The following RHBDD1 variants were observed in gnomAD, a reference collection of about 807,000 sequenced individuals.
The protein encoded by RHBDD1 is rhomboid-related protein 4.
Under a neutral mutation model 36.3 loss-of-function variants are expected in RHBDD1, and 38 were observed. That is an observed-to-expected ratio of 1.05 (90% CI 0.81 to 1.37). The LOEUF is 1.37. RHBDD1 is among the 40% of genes most tolerant of loss of function. The pLI is 0.00. For synonymous variants in RHBDD1, 151 were observed against 136.5 expected (o/e 1.11, Z -0.74); for missense variants, 393 against 377.6 (o/e 1.04, Z -0.34).
At chr2:226,870,869 G>T (rs183692149) in intron 5 of RHBDD1, among the ~76,000 whole-genome samples, 47 of 152,292 alleles carry the variant, frequency 3.1e-4, no homozygotes, top group Non-Finnish European at 5.1e-4. Context: ...ACATTGAGGA[G>T]GAGGAGGAGG....
At chr2:226,894,819 G>A (rs1363528524) in intron 5 of RHBDD1, among the ~76,000 whole-genome samples, 1 of 152,206 alleles carries the variant, frequency 6.6e-6, no homozygotes, top group Non-Finnish European at 1.5e-5. Context: ...AATGGACAGG[G>A]AAACTTTAGC....
the RHBDD1 span, among the ~76,000 whole-genome samples, chr2:226,821,120 T>C: frequency 6.6e-6 from 1 of 152,174 alleles, no homozygotes; most frequent in African/African-American, 2.4e-5. Context: ...TTGAGCCCCC[T>C]ACTATGTTCC....
At chr2:226,964,556 A>G (rs1488149604) in intron 8 of RHBDD1, among the ~76,000 whole-genome samples, 1 of 152,108 alleles carries the variant, frequency 6.6e-6, no homozygotes, top group Non-Finnish European at 1.5e-5. Flanking sequence ...GTTGCTATTT[A>G]TATGCTGGCA....
intron 8 of RHBDD1, among the ~76,000 whole-genome samples, chr2:226,984,273 T>G (rs1380655785): frequency 5.9e-5 from 9 of 152,224 alleles, no homozygotes; most frequent in Non-Finnish European, 1.0e-4. Context: ...CCCGGTGGCT[T>G]AAACAACAGA....
At chr2:226,826,590 G>A in the RHBDD1 span, among the ~76,000 whole-genome samples, 4 of 143,500 alleles carry the variant, frequency 2.8e-5, no homozygotes, top group Admixed American at 7.5e-5. Flanking sequence ...GCACAATCTC[G>A]GCTCACTGCA....
In RHBDD1 at chr2:226,901,742, T is replaced by C. The variant is rs189930197; in HGVS notation, c.567-5051T>C. On this transcript the variant is annotated intron_variant, in intron 5 of 8. Transcript: ENST00000392062. ...CTATATTTGCAAACCATATATCTAA[T>C]AGGGGACTAATATCCAAAATATGTA... is the stretch of plus-strand genomic sequence containing the variant. 1.7e-3 allele frequency among the ~76,000 whole-genome samples: 256 copies of C among 152,298 alleles called. 1 individual carries two copies. Among genetic ancestry groups the C allele is most frequent in the African/African-American group, 5.5e-3 (227 of 41,564 alleles).
At chr2:226,871,612 T>G (rs897046706) in intron 5 of RHBDD1, among the ~76,000 whole-genome samples, 2 of 152,228 alleles carry the variant, frequency 1.3e-5, no homozygotes, top group Non-Finnish European at 2.9e-5. Context: ...ATTTTAAAGA[T>G]ATCAGATCTC....
At chr2:226,958,089 A>G (rs1241601947) in intron 8 of RHBDD1, among the ~76,000 whole-genome samples, 1 of 152,246 alleles carries the variant, frequency 6.6e-6, no homozygotes, top group East Asian at 1.9e-4. Context: ...GTATGTGAAT[A>G]TTTATTTTAA....
chr2:226,953,389 C>T (rs1235782024), intron 8 of RHBDD1, among the ~76,000 whole-genome samples: 1 of 152,052 alleles, frequency 6.6e-6, no homozygotes, highest in Non-Finnish European at 1.5e-5. Flanking sequence ...CGGTTTGGCC[C>T]TAGAAGAATT....
At chr2:226,949,815 C>G (rs893939704) in intron 8 of RHBDD1, among the ~76,000 whole-genome samples, 2 of 152,160 alleles carry the variant, frequency 1.3e-5, no homozygotes, top group Non-Finnish European at 2.9e-5. Flanking sequence ...TCCTCCCATG[C>G]TCTTTCCTCT....
At chr2:226,813,924 A>G in the RHBDD1 span, among the ~76,000 whole-genome samples, 3 of 152,352 alleles carry the variant, frequency 2.0e-5, no homozygotes, top group African/African-American at 7.2e-5. Context: ...AAAAAGGGGC[A>G]AGAGTTGGCC....
intron 2 of RHBDD1, 40 bp from the exon 3 acceptor site, chr2:226,839,369 T>C (rs923414079): frequency 3.9e-5 from 6 of 152,210 alleles, no homozygotes; most frequent in African/African-American, 1.4e-4. Flanking sequence ...GTTGCAGTCA[T>C]AGCCACGTAA....
intron 5 of RHBDD1, among the ~76,000 whole-genome samples, chr2:226,878,819 A>G (rs2125368474): frequency 1.3e-5 from 2 of 152,328 alleles, no homozygotes; most frequent in East Asian, 3.9e-4. Context: ...GGTAATGGCA[A>G]CCATGAGTTG....
intron 3 of RHBDD1, among the ~76,000 whole-genome samples, chr2:226,843,221 A>G (rs1272279004): frequency 6.6e-6 from 1 of 152,144 alleles, no homozygotes; most frequent in Non-Finnish European, 1.5e-5. Flanking sequence ...CTGCAAACAG[A>G]TAATTTCACT....
intron 8 of RHBDD1, among the ~76,000 whole-genome samples, chr2:226,968,336 T>C (rs1474975694): frequency 1.3e-5 from 2 of 152,318 alleles, no homozygotes; most frequent in East Asian, 3.9e-4. Flanking sequence ...CCAAAATCTG[T>C]AGGGCAGGCC....
chr2:226,833,654 A>C (rs1940797971), upstream of RHBDD1, among the ~76,000 whole-genome samples: 2 of 152,218 alleles, frequency 1.3e-5, no homozygotes, highest in Admixed American at 1.3e-4. Flanking sequence ...CATGATTAAG[A>C]TATATACTTT....
intron 5 of RHBDD1, among the ~76,000 whole-genome samples, chr2:226,889,516 G>A (rs1056323219): frequency 4.6e-5 from 7 of 152,194 alleles, no homozygotes; most frequent in African/African-American, 1.7e-4. Flanking sequence ...ACAAAACCTC[G>A]TAGCAGACTT....
At chr2:226,914,386 A>G (rs374515468) in intron 8 of RHBDD1, 35 bp downstream of exon 8, 7 of 1,597,262 alleles carry the variant, frequency 4.4e-6, no homozygotes, top group South Asian at 1.1e-5. Flanking sequence ...ATTTTAAAGC[A>G]TACCTCATGT....
At chr2:226,991,997 G>A (rs1459004385) in intron 8 of RHBDD1, among the ~76,000 whole-genome samples, 1 of 152,134 alleles carries the variant, frequency 6.6e-6, no homozygotes, top group Non-Finnish European at 1.5e-5. Context: ...CCACCCCAAG[G>A]AAGCTTGTCC....
Sources: allele counts gnomAD v4.1 joint callset (sites outside exome capture counted in the v4.1 genomes callset), GRCh38; gene constraint gnomAD v4.1.1; transcripts MANE v1.5; gene names NCBI Gene and HGNC (gene_info 2026-07-23, HGNC 2026-07-21).